The following ERC2 variants were observed in gnomAD, a reference collection of about 807,000 sequenced individuals.
ERC2 encodes the protein ELKS/RAB6-interacting/CAST family member 2, also known as ERC protein 2.
Under a neutral mutation model 114.8 loss-of-function variants are expected in ERC2, and 42 were observed. The ratio of observed to expected loss-of-function variants is 0.37; its 90% CI spans 0.29 to 0.47. ERC2 has a LOEUF of 0.47. Ranked by LOEUF, ERC2 falls within the 20% of genes least tolerant of loss-of-function variation. The pLI, the probability that ERC2 is intolerant of heterozygous loss-of-function variation, is 0.99. For missense variants in ERC2, 939 were observed against 1,150.7 expected (o/e 0.82, Z 2.66); for synonymous variants, 454 against 425.5 (o/e 1.07, Z -0.82).
At chr3:56,426,054 A>G (rs2061559369) in intron 2 of ERC2, among the ~76,000 whole-genome samples, 1 of 152,230 alleles carries the variant, frequency 6.6e-6, no homozygotes, top group Non-Finnish European at 1.5e-5. Context: ...GGGAAGGAGA[A>G]CTGCTGGTGA....
At chr3:55,870,246 T>C (rs1428923016) in intron 14 of ERC2, among the ~76,000 whole-genome samples, 1 of 152,084 alleles carries the variant, frequency 6.6e-6, no homozygotes, top group Admixed American at 6.6e-5. Context: ...GGCTAATTTT[T>C]AGATTTTTAG....
rs116862964 is a variant in ERC2, at chr3:55,804,317, T to G, written c.2565-69399A>C. Among the ~76,000 whole-genome samples the G allele has an allele frequency of 2.0e-5, 3 of 152,252 alleles. No homozygotes were observed. In the East Asian group the frequency reaches 5.8e-4, roughly 30 times the overall value. Reference sequence around the variant, plus strand: ...ATTTACTCACAGAGTAAAGCTCCCATGTACCCATTAAACACATTCCTTTGG... The same window carrying G: ...ATTTACTCACAGAGTAAAGCTCCCAGGTACCCATTAAACACATTCCTTTGG... On this transcript the variant is annotated intron_variant, in intron 14 of 17. Transcript: ENST00000288221.
At chr3:55,830,967 T>G (rs142892106) in intron 14 of ERC2, among the ~76,000 whole-genome samples, 1 of 151,528 alleles carries the variant, frequency 6.6e-6, no homozygotes, top group East Asian at 2.0e-4. Flanking sequence ...ATAAAACAAA[T>G]AGATATAGTC....
chr3:56,405,254 G>C (rs2107012153), intron 2 of ERC2, among the ~76,000 whole-genome samples: 1 of 152,204 alleles, frequency 6.6e-6, no homozygotes, highest in Admixed American at 6.5e-5. Flanking sequence ...GACCAGCCTG[G>C]TCAACATAGT....
intron 3 of ERC2, among the ~76,000 whole-genome samples, chr3:56,184,576 A>G (rs970872335): frequency 1.3e-5 from 2 of 152,180 alleles, no homozygotes; most frequent in Admixed American, 6.5e-5. Flanking sequence ...AGCCACTCAG[A>G]CTGAGAGAGT....
chr3:55,916,422 C>CT (rs1362652765), intron 13 of ERC2, among the ~76,000 whole-genome samples: 2 of 152,130 alleles, frequency 1.3e-5, no homozygotes, highest in African/African-American at 4.8e-5. Context: ...AAAACTATCT[C>CT]TAAGATTCCA....
chr3:55,606,490 C>T (rs1296044105), intron 17 of ERC2: 1 of 152,220 alleles, frequency 6.6e-6, no homozygotes, highest in African/African-American at 2.4e-5. Flanking sequence ...GACCAACCTT[C>T]CTCTCTGTCC....
chr3:55,521,753 A>G (rs977602298), intron 17 of ERC2, among the ~76,000 whole-genome samples: 4 of 152,200 alleles, frequency 2.6e-5, no homozygotes, highest in Admixed American at 2.6e-4. Context: ...GGGAGAAGCC[A>G]AAACAGCAGG....
intron 14 of ERC2, among the ~76,000 whole-genome samples, chr3:55,847,106 G>A (rs183122286): frequency 6.6e-6 from 1 of 152,062 alleles, no homozygotes; most frequent in Non-Finnish European, 1.5e-5. Context: ...TTCTAACAAA[G>A]GATATATATC....
intron 13 of ERC2, among the ~76,000 whole-genome samples, chr3:55,943,937 C>T (rs1046418391): frequency 2.0e-5 from 3 of 152,154 alleles, no homozygotes; most frequent in Non-Finnish European, 2.9e-5. Flanking sequence ...AAAGGATCCA[C>T]GTCTGCTTCT....
intron 6 of ERC2, among the ~76,000 whole-genome samples, chr3:56,136,835 C>G (rs1560235041): frequency 6.6e-6 from 1 of 152,138 alleles, no homozygotes; most frequent in Admixed American, 6.5e-5. Flanking sequence ...AAAGAAAATT[C>G]CTCAGCCGTT....
intron 11 of ERC2, among the ~76,000 whole-genome samples, chr3:55,987,057 A>G (rs2149515960): frequency 6.6e-6 from 1 of 152,338 alleles, no homozygotes; most frequent in African/African-American, 2.4e-5. Flanking sequence ...TTAAGCTAGA[A>G]CATTTCAAAT....
At position 55,524,701 on chromosome 3, in the gene ERC2, G is replaced by C. The variant is rs1575468435; in HGVS notation, c.*40-13425C>G. Among the ~76,000 whole-genome samples the C allele has an allele frequency of 2.0e-5, 3 of 152,026 alleles. No individual in the cohort carries two copies. The East Asian group carries it at 5.8e-4, about 29-fold the overall frequency. ...CAATTTTAGTTGTAAATGTGAGCAA[G>C]CTCACTGACTCACTTGTGAACGGGT... is the stretch of plus-strand genomic sequence containing the variant. On this transcript the variant is annotated intron_variant, in intron 17 of 17. Transcript: ENST00000288221.
Position 55,742,760 on chromosome 3 carries a change from T to C in ERC2, c.2565-7842A>G, listed in dbSNP as rs558570332. Among the ~76,000 whole-genome samples, 4 of 152,358 alleles carry C rather than the reference T, an allele frequency of 2.6e-5. No individual in the cohort carries two copies. The South Asian group carries it at 6.2e-4, about 24-fold the overall frequency. On this transcript the variant is annotated intron_variant, in intron 14 of 17. Coordinates refer to ENST00000288221, the MANE Select transcript of ERC2 (RefSeq NM_015576.3). ...ATTCAAAACAGCCTCTCTCTCACCC[T>C]TGGGGTGAGGGTTGGGTGGAGATAG...
chr3:56,089,276 T>C (rs977795802), intron 6 of ERC2, among the ~76,000 whole-genome samples: 2 of 152,206 alleles, frequency 1.3e-5, no homozygotes, highest in African/African-American at 2.4e-5. Context: ...ACATAATTTA[T>C]GTGAGGAGTG....
chr3:56,019,150 A>T, intron 7 of ERC2, 119 bp from the exon 8 acceptor site: 1 of 783,778 alleles, frequency 1.3e-6, no homozygotes, highest in Non-Finnish European at 2.0e-6. Context: ...AGAAATTGTC[A>T]GTAGCTTTGA....
intron 3 of ERC2, among the ~76,000 whole-genome samples, chr3:56,179,964 T>C (rs919783646): frequency 3.3e-5 from 5 of 151,700 alleles, no homozygotes; most frequent in African/African-American, 1.2e-4. Flanking sequence ...AGAAGAGAGA[T>C]CAGAGTATTG....
intron 17 of ERC2, among the ~76,000 whole-genome samples, chr3:55,676,023 C>A (rs1217594683): frequency 6.9e-6 from 1 of 144,768 alleles, no homozygotes; most frequent in African/African-American, 2.6e-5. Context: ...CAGGTTCAAG[C>A]AATTCTCCTG....
In ERC2 at chr3:56,131,747, A is replaced by C. The variant is rs576831948; in HGVS notation, c.1473+7762T>G. On this transcript the variant is annotated intron_variant, in intron 6 of 17. Transcript: ENST00000288221. Reference sequence around the variant, plus strand: ...AACAGATACAAAATTACAGCTAGATAGGAGGAATAAATTCTAGCGTTCTGT... The same window carrying C: ...AACAGATACAAAATTACAGCTAGATCGGAGGAATAAATTCTAGCGTTCTGT... 2.0e-5 allele frequency among the ~76,000 whole-genome samples: 3 copies of C among 152,356 alleles called. No homozygotes were observed. In the South Asian group the frequency reaches 6.2e-4, roughly 32 times the overall value.
Sources: allele counts gnomAD v4.1 joint callset (sites outside exome capture counted in the v4.1 genomes callset), GRCh38; gene constraint gnomAD v4.1.1; transcripts MANE v1.5; gene names NCBI Gene and HGNC (gene_info 2026-07-23, HGNC 2026-07-21).